Variants in ATAD2B observed in about 807,000 individuals in gnomAD.
ATAD2B encodes ATPase family AAA domain containing 2B, also known as ATPase family AAA domain-containing protein 2B.
In ATAD2B, 40 loss-of-function variants were observed where a neutral mutation model predicts 167.6. That is an observed-to-expected ratio of 0.24 (90% CI 0.19 to 0.31). The LOEUF (loss-of-function observed/expected upper bound fraction) is 0.31, where lower values mean the gene tolerates loss of function less well. Among genes scored for constraint, ATAD2B ranks in the 10% least tolerant of loss-of-function variants. The pLI is 1.00. For synonymous variants in ATAD2B, 579 were observed against 596.5 expected (o/e 0.97, Z 0.43); for missense variants, 1,242 against 1,757.2 (o/e 0.71, Z 5.24).
chr2:23,696,356 C>A, the ATAD2B span: 6 of 1,551,510 alleles, frequency 3.9e-6, no homozygotes, highest in African/African-American at 8.2e-5. This position sits in a 1 kb window ranked among gnomAD's most constrained non-coding sequence, Gnocchi z 5.5. Context: ...AGGGGTGACG[C>A]TGGCTGATGT....
the ATAD2B span, chr2:23,689,943 G>T: frequency 2.0e-5 from 3 of 152,294 alleles, no homozygotes; most frequent in Non-Finnish European, 1.5e-5. Flanking sequence ...GGTTTGGAGG[G>T]GCCTCTGTGG....
the ATAD2B span, among the ~76,000 whole-genome samples, chr2:23,678,800 T>G: frequency 6.6e-6 from 1 of 152,092 alleles, no homozygotes; most frequent in Non-Finnish European, 1.5e-5. Context: ...CTAGGTGAAA[T>G]AAAGCCATTC....
At chr2:23,899,467 T>C (rs1700540395) in intron 1 of ATAD2B, among the ~76,000 whole-genome samples, 1 of 152,226 alleles carries the variant, frequency 6.6e-6, no homozygotes, top group South Asian at 2.1e-4. Context: ...GCCAGCTAGC[T>C]ACTTCCAAAC....
chr2:23,822,352 T>C (rs578033521), intron 16 of ATAD2B, among the ~76,000 whole-genome samples: 39 of 151,900 alleles, frequency 2.6e-4, no homozygotes, highest in Middle Eastern at 6.8e-3. Flanking sequence ...CTGATCAATA[T>C]GGTGAAACCC....
intron 7 of ATAD2B, among the ~76,000 whole-genome samples, chr2:23,877,762 A>C (rs965358387): frequency 2.0e-5 from 3 of 151,184 alleles, no homozygotes; most frequent in African/African-American, 7.3e-5. Context: ...TGGGAGGCTG[A>C]GGCAGGAGAA....
intron 13 of ATAD2B, among the ~76,000 whole-genome samples, chr2:23,836,785 C>A (rs1350542180): frequency 6.6e-6 from 1 of 151,972 alleles, no homozygotes; most frequent in African/African-American, 2.4e-5. Context: ...GGGGGTAGCT[C>A]CTCTCTGAAG....
At position 23,884,515 on chromosome 2, in the gene ATAD2B, TG is replaced by T. The variant is rs941259009; in HGVS notation, c.784+249del. Among the ~76,000 whole-genome samples the T allele has an allele frequency of 7.8e-4, 119 of 152,276 alleles. 1 individual carries two copies. Among genetic ancestry groups the T allele is most frequent in the African/African-American group, 2.8e-3 (118 of 41,574 alleles). Reference sequence around the variant, plus strand: ...CAAAGTAAATCCCATACCAGATCACTGAAGGACTACCAATGGCTACTAATAA... The same window carrying T: ...CAAAGTAAATCCCATACCAGATCACTAAGGACTACCAATGGCTACTAATAA... On this transcript the variant is annotated intron_variant, in intron 6 of 27. Coordinates refer to ENST00000238789, the MANE Select transcript of ATAD2B (RefSeq NM_017552.4).
chr2:23,685,987 G>A, the ATAD2B span, among the ~76,000 whole-genome samples: 1 of 152,222 alleles, frequency 6.6e-6, no homozygotes, highest in South Asian at 2.1e-4. Context: ...GGAGCACAGG[G>A]CCCTCGGATG....
At chr2:23,884,632 T>C in intron 6 of ATAD2B, 133 bp downstream of exon 6, 1 of 447,822 alleles carries the variant, frequency 2.2e-6, no homozygotes, top group Non-Finnish European at 3.9e-6. Flanking sequence ...TTAAATTATT[T>C]CAAATTATAC....
chr2:23,888,822 C>T (rs1699058414), intron 2 of ATAD2B, among the ~76,000 whole-genome samples: 1 of 152,156 alleles, frequency 6.6e-6, no homozygotes, highest in Non-Finnish European at 1.5e-5. Context: ...ATACCAATAT[C>T]ATTTAATAAT....
the ATAD2B span, chr2:23,706,507 A>G: frequency 6.5e-7 from 1 of 1,532,856 alleles, no homozygotes; most frequent in Non-Finnish European, 8.7e-7. Flanking sequence ...GGCAAGATTT[A>G]TGCAACTGGA....
the ATAD2B span, among the ~76,000 whole-genome samples, chr2:23,678,239 C>T: frequency 2.0e-5 from 3 of 152,218 alleles, no homozygotes; most frequent in African/African-American, 7.2e-5. Flanking sequence ...GAGCCTCTTC[C>T]AGTCCCCATT....
intron 19 of ATAD2B, among the ~76,000 whole-genome samples, chr2:23,796,316 T>G (rs1682611706): frequency 6.6e-6 from 1 of 152,204 alleles, no homozygotes; most frequent in African/African-American, 2.4e-5. Flanking sequence ...TTATGGGTAT[T>G]GGTAAATAAA....
the ATAD2B span, chr2:23,696,119 A>T: frequency 5.2e-6 from 8 of 1,551,580 alleles, no homozygotes; most frequent in Non-Finnish European, 7.0e-6. The surrounding 1 kb of genome is among the most constrained non-coding windows in gnomAD (Gnocchi z 5.5). Context: ...GCAGGGGACA[A>T]CATCTACCTC....
the ATAD2B span, among the ~76,000 whole-genome samples, chr2:23,718,275 C>A: frequency 6.6e-6 from 1 of 152,188 alleles, no homozygotes; most frequent in South Asian, 2.1e-4. Flanking sequence ...AACCCTCTCT[C>A]ATTACACTCT....
chr2:23,850,856 G>A (rs1214788780), intron 13 of ATAD2B, among the ~76,000 whole-genome samples: 3 of 152,182 alleles, frequency 2.0e-5, no homozygotes, highest in Admixed American at 6.5e-5. Flanking sequence ...TTGTTAAGAG[G>A]TATTAAGAGT....
intron 1 of ATAD2B, among the ~76,000 whole-genome samples, chr2:23,923,747 C>T (rs537220846): frequency 6.6e-6 from 1 of 151,930 alleles, no homozygotes; most frequent in South Asian, 2.1e-4. Flanking sequence ...GCATATACTA[C>T]TTGGGAAAAA....
chr2:23,847,844 T>TCG (rs1691919234), intron 13 of ATAD2B, among the ~76,000 whole-genome samples: 1 of 150,228 alleles, frequency 6.7e-6, no homozygotes, highest in Non-Finnish European at 1.5e-5. Flanking sequence ...AATACAAAAA[T>TCG]TAGCCAGGCG....
chr2:23,763,624 C>T (rs1416905463), intron 23 of ATAD2B, among the ~76,000 whole-genome samples: 8 of 152,186 alleles, frequency 5.3e-5, no homozygotes, highest in Non-Finnish European at 1.2e-4. Flanking sequence ...ACATCTTGCT[C>T]TGTCACCCAG....
Sources: allele counts gnomAD v4.1 joint callset (sites outside exome capture counted in the v4.1 genomes callset), GRCh38; gene constraint gnomAD v4.1.1; non-coding constraint Gnocchi (gnomAD v3.1); transcripts MANE v1.5; gene names NCBI Gene and HGNC (gene_info 2026-07-23, HGNC 2026-07-21).